QNG1: variants seen among roughly 807,000 people sequenced by gnomAD.
The protein encoded by QNG1 is Q-nucleotide N-glycosylase 1.
At chr9:83,941,506 G>A in the QNG1 span, among the ~76,000 whole-genome samples, 3 of 151,804 alleles carry the variant, frequency 2.0e-5, no homozygotes, top group African/African-American at 4.8e-5. Context: ...AGGGAGGATC[G>A]CTTGAGCCCA....
At chr9:83,947,977 G>A in the QNG1 span, among the ~76,000 whole-genome samples, 4 of 138,166 alleles carry the variant, frequency 2.9e-5, no homozygotes, top group Admixed American at 2.1e-4. Flanking sequence ...GCCGCCCATC[G>A]TCTGGGATGT....
At chr9:83,942,533 T>C in the QNG1 span, among the ~76,000 whole-genome samples, 1 of 152,210 alleles carries the variant, frequency 6.6e-6, no homozygotes, top group African/African-American at 2.4e-5. Context: ...AGTTTGGAAG[T>C]ACCATTGGAA....
chr9:83,955,581 T>C, the QNG1 span: 1 of 1,614,206 alleles, frequency 6.2e-7, no homozygotes, highest in Non-Finnish European at 8.5e-7. Context: ...GAACGAAGTA[T>C]ATTCCGAACC....
At chr9:83,948,287 G>A in the QNG1 span, among the ~76,000 whole-genome samples, 3 of 148,448 alleles carry the variant, frequency 2.0e-5, no homozygotes, top group Non-Finnish European at 3.0e-5. Flanking sequence ...CAGCCGCCCC[G>A]CCTGGGAAGT....
chr9:83,956,569 T>C, the QNG1 span: 1 of 1,369,714 alleles, frequency 7.3e-7, no homozygotes, highest in African/African-American at 1.5e-5. Flanking sequence ...CTCTGCGCCT[T>C]GCGCTACTAC....
At chr9:83,955,881 T>C in the QNG1 span, among the ~76,000 whole-genome samples, 1 of 152,214 alleles carries the variant, frequency 6.6e-6, no homozygotes, top group Non-Finnish European at 1.5e-5. Flanking sequence ...CTTTATAACA[T>C]CGGTCCTTTT....
the QNG1 span, chr9:83,956,782 C>G: frequency 8.3e-6 from 3 of 362,440 alleles, no homozygotes; most frequent in Non-Finnish European, 1.5e-5. Flanking sequence ...GGCGCGCTCT[C>G]AGGCTCCGCT....
At chr9:83,948,712 A>T in the QNG1 span, among the ~76,000 whole-genome samples, 10 of 152,332 alleles carry the variant, frequency 6.6e-5, no homozygotes, top group Non-Finnish European at 1.2e-4. Context: ...GTGTAGAAAG[A>T]AGTAGACATA....
At chr9:83,951,421 G>A in the QNG1 span, among the ~76,000 whole-genome samples, 6 of 152,170 alleles carry the variant, frequency 3.9e-5, no homozygotes, top group Middle Eastern at 3.4e-3. Flanking sequence ...TTAGCCTGGC[G>A]TGGTGGTGCG....
the QNG1 span, among the ~76,000 whole-genome samples, chr9:83,949,416 G>A: frequency 1.2e-3 from 188 of 152,262 alleles, 1 homozygote; most frequent in African/African-American, 4.4e-3. Context: ...GGCCGAGGCG[G>A]GTGGATCACC....
At chr9:83,943,836 A>G in the QNG1 span, among the ~76,000 whole-genome samples, 1 of 152,078 alleles carries the variant, frequency 6.6e-6, no homozygotes, top group South Asian at 2.1e-4. Flanking sequence ...CCTGGCTAAC[A>G]CGGTGAAACC....
chr9:83,949,621 CG>C, the QNG1 span, among the ~76,000 whole-genome samples: 1 of 151,632 alleles, frequency 6.6e-6, no homozygotes, highest in Admixed American at 6.6e-5. Context: ...ACTCCAGCCT[CG>C]GCAACAAGAA....
chr9:83,942,120 C>T, the QNG1 span, among the ~76,000 whole-genome samples: 1 of 152,194 alleles, frequency 6.6e-6, no homozygotes, highest in Admixed American at 6.5e-5. Flanking sequence ...GTCTCCAGAA[C>T]TGTGACACAA....
chr9:83,953,086 T>C, the QNG1 span, among the ~76,000 whole-genome samples: 1 of 151,430 alleles, frequency 6.6e-6, no homozygotes, highest in South Asian at 2.1e-4. Context: ...CTGGCCAACA[T>C]GGTGAAACCC....
the QNG1 span, chr9:83,953,755 T>A: frequency 2.0e-6 from 3 of 1,527,638 alleles, no homozygotes; most frequent in Admixed American, 5.9e-5. Context: ...CCTCCCAGGT[T>A]CAAAAGATTC....
the QNG1 span, chr9:83,953,669 T>A: frequency 2.9e-6 from 2 of 680,270 alleles, no homozygotes; most frequent in Admixed American, 6.1e-5. Context: ...TTTTCTTTTA[T>A]TTTTTTGAGA....
the QNG1 span, chr9:83,939,593 T>C: frequency 3.7e-6 from 6 of 1,614,106 alleles, no homozygotes; most frequent in Non-Finnish European, 5.1e-6. Context: ...CCATAAGTAA[T>C]AATCCAGAAG....
the QNG1 span, among the ~76,000 whole-genome samples, chr9:83,949,749 T>C: frequency 6.6e-6 from 1 of 151,760 alleles, no homozygotes; most frequent in Non-Finnish European, 1.5e-5. Context: ...AAGTTTATTA[T>C]AATAGATAGA....
chr9:83,955,333 ACT>A, the QNG1 span: 282 of 1,583,162 alleles, frequency 1.8e-4, 1 homozygote, highest in African/African-American at 3.3e-3. Context: ...AAAAGAGTTA[ACT>A]CTGAGATGAT....
Sources: gnomAD v4.1 joint callset for allele counts (sites outside exome capture counted in the v4.1 genomes callset) on GRCh38, gnomAD v4.1.1 for gene constraint, MANE v1.5 for transcripts, NCBI Gene and HGNC (gene_info 2026-07-23, HGNC 2026-07-21) for gene names.